CAMK2D: variants seen among roughly 807,000 people sequenced by gnomAD.
CAMK2D encodes calcium/calmodulin-dependent protein kinase type II subunit delta.
Under a neutral mutation model 84.0 loss-of-function variants are expected in CAMK2D, and 37 were observed. The observed-to-expected ratio is 0.44, with a 90% CI of 0.34 to 0.58. CAMK2D has a LOEUF of 0.58. CAMK2D is among the 20% of genes least tolerant of loss of function. The pLI is 0.02. For missense variants in CAMK2D, 448 were observed against 652.5 expected (o/e 0.69, Z 3.41); for synonymous variants, 202 against 212.5 (o/e 0.95, Z 0.43).
At chr4:113,724,556 A>G (rs1159073867) in intron 2 of CAMK2D, among the ~76,000 whole-genome samples, 1 of 151,860 alleles carries the variant, frequency 6.6e-6, no homozygotes, top group Admixed American at 6.6e-5. Flanking sequence ...ATAAAGCACC[A>G]ATAAAGTAGA....
chr4:113,582,899 G>C (rs1476153014), intron 4 of CAMK2D, among the ~76,000 whole-genome samples: 2 of 152,214 alleles, frequency 1.3e-5, no homozygotes, highest in Non-Finnish European at 2.9e-5. Context: ...AAATGCTTGG[G>C]AGATAAACAA....
At chr4:113,476,359 G>A (rs2097618979) in intron 16 of CAMK2D, among the ~76,000 whole-genome samples, 2 of 152,066 alleles carry the variant, frequency 1.3e-5, no homozygotes, top group Admixed American at 1.3e-4. Flanking sequence ...CATTCACATA[G>A]TGATGCTGAA....
chr4:113,750,425 G>A (rs1032918267), intron 2 of CAMK2D, among the ~76,000 whole-genome samples: 1 of 152,108 alleles, frequency 6.6e-6, no homozygotes, highest in African/African-American at 2.4e-5. Flanking sequence ...AATCTTTTCA[G>A]GAAATCTGTG....
intron 4 of CAMK2D, among the ~76,000 whole-genome samples, chr4:113,584,349 G>A (rs1441335748): frequency 6.6e-6 from 1 of 152,206 alleles, no homozygotes. Flanking sequence ...CCCGAAGGCT[G>A]TGTGAGTTGT....
chr4:113,619,078 G>A (rs960772218), intron 3 of CAMK2D, among the ~76,000 whole-genome samples: 3 of 152,148 alleles, frequency 2.0e-5, no homozygotes, highest in African/African-American at 4.8e-5. Flanking sequence ...ACTCGTGATC[G>A]TCCCCCTAAA....
intron 3 of CAMK2D, among the ~76,000 whole-genome samples, chr4:113,619,259 C>T (rs1195772090): frequency 6.6e-6 from 1 of 152,138 alleles, no homozygotes; most frequent in Non-Finnish European, 1.5e-5. Flanking sequence ...CTTTTCATCT[C>T]CTCTACTGTT....
intron 3 of CAMK2D, among the ~76,000 whole-genome samples, chr4:113,651,437 C>G (rs536022206): frequency 2.0e-5 from 3 of 152,032 alleles, no homozygotes; most frequent in Non-Finnish European, 2.9e-5. Context: ...CAAATTCCTA[C>G]CAAAGTAAAC....
intron 4 of CAMK2D, among the ~76,000 whole-genome samples, chr4:113,578,852 C>G (rs989363724): frequency 3.9e-5 from 6 of 152,162 alleles, no homozygotes; most frequent in Admixed American, 2.6e-4. Context: ...ATGTCCTGTC[C>G]TTTGGCAGAA....
chr4:113,552,712 GTACA>G (rs2098637820), intron 4 of CAMK2D, among the ~76,000 whole-genome samples: 1 of 152,094 alleles, frequency 6.6e-6, no homozygotes, highest in South Asian at 2.1e-4. Flanking sequence ...ATGCATATGC[GTACA>G]TACATGCGTG....
intron 2 of CAMK2D, among the ~76,000 whole-genome samples, chr4:113,671,410 T>G (rs148588167): frequency 6.6e-5 from 10 of 152,316 alleles, no homozygotes; most frequent in African/African-American, 2.4e-4. Context: ...ATGCACAGAC[T>G]CCTGAAAGGA....
chr4:113,571,625 G>A (rs2098753891), intron 4 of CAMK2D, among the ~76,000 whole-genome samples: 2 of 152,216 alleles, frequency 1.3e-5, no homozygotes, highest in Admixed American at 1.3e-4. Context: ...TGTAATCCCA[G>A]CACTTTGGGA....
intron 6 of CAMK2D, among the ~76,000 whole-genome samples, chr4:113,541,214 A>T (rs1430955049): frequency 1.3e-5 from 2 of 152,216 alleles, no homozygotes; most frequent in African/African-American, 4.8e-5. Context: ...CCGTTTCTAC[A>T]TGAGGTAGGG....
chr4:113,586,847 T>C (rs1003430400), intron 4 of CAMK2D, among the ~76,000 whole-genome samples: 1 of 152,148 alleles, frequency 6.6e-6, no homozygotes, highest in Non-Finnish European at 1.5e-5. Context: ...GTTAGCTCCA[T>C]GTTCAGGGCA....
At chr4:113,470,296 C>A (rs1017366822) in intron 16 of CAMK2D, among the ~76,000 whole-genome samples, 1 of 152,132 alleles carries the variant, frequency 6.6e-6, no homozygotes, top group Non-Finnish European at 1.5e-5. Context: ...TGCACCCCCC[C>A]CATTTTGCTC....
intron 4 of CAMK2D, among the ~76,000 whole-genome samples, chr4:113,558,563 T>C (rs539110800): frequency 2.5e-4 from 38 of 152,324 alleles, no homozygotes; most frequent in Non-Finnish European, 2.8e-4. Flanking sequence ...CCATTTTATA[T>C]CAGGGACTTC....
intron 2 of CAMK2D, among the ~76,000 whole-genome samples, chr4:113,680,585 A>G (rs1256797259): frequency 6.6e-6 from 1 of 152,250 alleles, no homozygotes; most frequent in Non-Finnish European, 1.5e-5. Flanking sequence ...AGTGGGACAA[A>G]CAAACAAAAA....
chr4:113,458,764 A>G (rs1336569425), intron 18 of CAMK2D, among the ~76,000 whole-genome samples: 1 of 152,234 alleles, frequency 6.6e-6, no homozygotes, highest in Non-Finnish European at 1.5e-5. Context: ...TCGAAAATCC[A>G]TGCCAAGGCA....
At chr4:113,731,642 A>G (rs1199721223) in intron 2 of CAMK2D, among the ~76,000 whole-genome samples, 1 of 149,912 alleles carries the variant, frequency 6.7e-6, no homozygotes, top group Admixed American at 6.6e-5. Flanking sequence ...CTGGAGTGCA[A>G]TGGCGTGATC....
chr4:113,679,668 G>A (rs1457223236), intron 2 of CAMK2D, among the ~76,000 whole-genome samples: 1 of 152,098 alleles, frequency 6.6e-6, no homozygotes, highest in Non-Finnish European at 1.5e-5. Context: ...AATGTAAACT[G>A]TGAATTAAAG....
Sources: allele counts gnomAD v4.1 joint callset (sites outside exome capture counted in the v4.1 genomes callset), GRCh38; gene constraint gnomAD v4.1.1; transcripts MANE v1.5; gene names NCBI Gene and HGNC (gene_info 2026-07-23, HGNC 2026-07-21).